The following COL6A3 variants were observed in gnomAD, a reference collection of about 807,000 sequenced individuals.
COL6A3 encodes collagen type VI alpha 3 chain.
COL6A3 carries 137 observed loss-of-function variants against 274.1 expected under a neutral mutation model. The ratio of observed to expected loss-of-function variants is 0.50; its 90% CI spans 0.44 to 0.58. The LOEUF (loss-of-function observed/expected upper bound fraction) is 0.58, where lower values mean the gene tolerates loss of function less well. Ranked by LOEUF, COL6A3 falls within the 20% of genes least tolerant of loss-of-function variation. COL6A3 has a pLI of 0.00. For missense variants in COL6A3, 3,950 were observed against 4,124.9 expected (o/e 0.96, Z 1.16); for synonymous variants, 1,650 against 1,650.6 (o/e 1.00, Z 0.01).
intron 25 of COL6A3, 61 bp downstream of exon 25, chr2:237,353,276 CCAAT>C: frequency 6.7e-7 from 1 of 1,498,908 alleles, no homozygotes; most frequent in Non-Finnish European, 9.3e-7. Flanking sequence ...TAAATGCCAC[CCAAT>C]CATTTTTTAA....
intron 1 of COL6A3, among the ~76,000 whole-genome samples, 164 bp from the exon 2 acceptor site, chr2:237,397,011 G>C (rs1294004621): frequency 3.3e-5 from 4 of 122,014 alleles, no homozygotes; most frequent in African/African-American, 1.3e-4. Context: ...TAGACAGTTA[G>C]ATAGATGATA....
intron 3 of COL6A3, among the ~76,000 whole-genome samples, chr2:237,392,589 G>C (rs1350870292): frequency 6.6e-6 from 1 of 152,152 alleles, no homozygotes; most frequent in African/African-American, 2.4e-5. Flanking sequence ...AGAAAAATCT[G>C]TTCATAAATC....
At chr2:237,385,804 T>C (rs1294198621) in intron 4 of COL6A3, among the ~76,000 whole-genome samples, 1 of 152,192 alleles carries the variant, frequency 6.6e-6, no homozygotes, top group African/African-American at 2.4e-5. Flanking sequence ...ACTGTTTCCA[T>C]TGCTTCTCAA....
chr2:237,359,462 G>T, intron 17 of COL6A3, 74 bp from the exon 18 acceptor site: 1 of 1,490,260 alleles, frequency 6.7e-7, no homozygotes, highest in Non-Finnish European at 9.4e-7. Flanking sequence ...GAGGCCAAGG[G>T]CTGTTCCCCC....
At position 237,374,978 on chromosome 2, in the gene COL6A3, T is replaced by C. The variant is rs766375491; in HGVS notation, c.3113A>G (p.Glu1038Gly). ...CAGAGGGAAGCCGCTCCTGACGCCC[T>C]CAGAGCCATCAAGCAGAAACACCAC... ...KDVVFLLDGS[E>G]GVRSGFPLLK... Residue 1038 changes from glutamate (E) to glycine (G), a missense_variant, in exon 8 of 44, where the codon GAG becomes GGG. Around this residue, in one of 5 missense-constraint regions of COL6A3, gnomAD observed 1,934 missense variants for 1,984.3 expected, o/e 0.97. Transcript: ENST00000295550. The surrounding 1 kb of genome is among the most constrained non-coding windows in gnomAD (Gnocchi z 4.8). 6.2e-7 allele frequency: 1 copy of C among 1,613,846 alleles called. No individual in the cohort carries two copies. Among genetic ancestry groups the C allele is most frequent in the South Asian group, 1.1e-5 (1 of 91,070 alleles).
chr2:237,350,717 A>G (rs1022864957), intron 27 of COL6A3, among the ~76,000 whole-genome samples: 18 of 152,216 alleles, frequency 1.2e-4, no homozygotes, highest in African/African-American at 4.3e-4. Flanking sequence ...AAATGTGATT[A>G]GCTGAGCCAC....
chr2:237,334,516 T>C lies in COL6A3; in HGVS notation c.9229+110A>G, dbSNP rs142705368. 7.6e-4 allele frequency: 963 copies of C among 1,268,906 alleles called. 6 individuals carry two copies. In the African/African-American group the frequency reaches 0.012, roughly 16 times the overall value. 78.6% of individuals were successfully genotyped at this position (1,268,906 alleles called of 1,614,324 possible). On this transcript the variant is annotated intron_variant, in intron 41 of 43. Transcript: ENST00000295550. Reference sequence around the variant, plus strand: ...TGTTGTTGTTGCTGTTGTTGTTTTTTGAATTTGTGGTTATTTCAGAATAGA... The same window carrying C: ...TGTTGTTGTTGCTGTTGTTGTTTTTCGAATTTGTGGTTATTTCAGAATAGA...
chr2:237,373,663 T>G (rs985403441), intron 8 of COL6A3, among the ~76,000 whole-genome samples: 2 of 152,176 alleles, frequency 1.3e-5, no homozygotes, highest in Non-Finnish European at 2.9e-5. Flanking sequence ...TGAGTGCATA[T>G]GAGGGAGCAA....
Position 237,363,303 on chromosome 2 carries a change from G to A in COL6A3, c.6013C>T (p.Pro2005Ser), listed in dbSNP as rs760336671. Residue 2005 changes from proline (P) to serine (S), a missense_variant, in exon 14 of 44, where the codon CCC becomes TCC. Pro to Ser is a moderately conservative substitution (Grantham distance 74). This residue lies in a region of COL6A3 where 632 missense variants were observed against 623.4 expected (regional missense o/e 1.01). Transcript: ENST00000295550. ...AAGTCCAGCAAGTTAAGCCTCAGGG[G>A]CCTGTCATACATAAACCCTCGCCCA... is the stretch of plus-strand genomic sequence containing the variant. ...EFGRGFMYDRPLRLNLLDLDY... is the reference protein window; with the variant it reads ...EFGRGFMYDRSLRLNLLDLDY... 1 of 1,614,072 alleles carries A rather than the reference G, an allele frequency of 6.2e-7. No homozygotes were observed.
At position 237,339,055 on chromosome 2, in the gene COL6A3, G is replaced by T. The variant is rs756595743; in HGVS notation, c.8527C>A (p.Gln2843Lys). Reference protein sequence around the residue: ...RKQCDWFQGDQPTKNLVKFGH... With the variant: ...RKQCDWFQGDKPTKNLVKFGH... ...AACTTCACAAGGTTCTTTGTGGGTTGGTCCCCTTGGAACCAATCACACTGT... is the reference window on the plus strand; with the variant it reads ...AACTTCACAAGGTTCTTTGTGGGTTTGTCCCCTTGGAACCAATCACACTGT... The change falls in exon 39 of 44, where the codon CAA (glutamine) becomes AAA (lysine). Residue 2843 changes from glutamine to lysine, a missense_variant. This residue lies in a region of COL6A3 where 1,284 missense variants were observed against 1,349.7 expected (regional missense o/e 0.95). Transcript: ENST00000295550. 3.7e-6 allele frequency: 6 copies of T among 1,613,950 alleles called. No individual in the cohort carries two copies. In the East Asian group the frequency reaches 1.3e-4, roughly 36 times the overall value.
Position 237,364,771 on chromosome 2 carries a change from CAT to C in COL6A3, c.5839-345_5839-344del, listed in dbSNP as rs1015172957. Among the ~76,000 whole-genome samples the C allele has an allele frequency of 6.8e-6, 1 of 146,936 alleles. No homozygotes were observed. Among genetic ancestry groups the C allele is most frequent in the Non-Finnish European group, 1.5e-5 (1 of 66,424 alleles). On this transcript the variant is annotated intron_variant, in intron 12 of 43. Coordinates refer to ENST00000295550, the MANE Select transcript of COL6A3 (RefSeq NM_004369.4). The surrounding 1 kb of genome is among the most constrained non-coding windows in gnomAD (Gnocchi z 4.6). ...GCATGTGTGTGCATGTGTGTGGGTACATATGTGTGTGTATGGGTGCATTGTGT... is the reference window on the plus strand; with the variant it reads ...GCATGTGTGTGCATGTGTGTGGGTACATGTGTGTGTATGGGTGCATTGTGT...
intron 4 of COL6A3, 133 bp from the exon 5 acceptor site, chr2:237,381,632 A>G (rs2078009265): frequency 2.6e-6 from 2 of 768,156 alleles, no homozygotes; most frequent in Non-Finnish European, 4.4e-6. Flanking sequence ...GGGCCACCCC[A>G]AAGGGAATTT....
chr2:237,367,012 G>T lies in COL6A3; in HGVS notation c.5175C>A (p.His1725Gln). The change falls in exon 11 of 44, where the codon CAC becomes CAA. Residue 1725 changes from histidine to glutamine, a missense_variant. Coordinates refer to ENST00000295550, the MANE Select transcript of COL6A3 (RefSeq NM_004369.4). ...CAGGCACAAAGTGGTTTACCCGCAG[G>T]TGCTCAAGGCCCACCTTAGTGTTGG... ...RHANTKVGLEHLRVNHFVPEA... is the reference protein window; with the variant it reads ...RHANTKVGLEQLRVNHFVPEA... The T allele has an allele frequency of 1.2e-6, 2 of 1,614,228 alleles. No homozygotes were observed. The highest frequency in any genetic ancestry group is 1.7e-6 in the Non-Finnish European group (2 of 1,180,052).
rs1158278552 is a variant in COL6A3, at chr2:237,413,222, G to A, written c.-31+731C>T. On this transcript the variant is annotated intron_variant, in intron 1 of 43. Transcript: ENST00000295550. The surrounding 1 kb of genome is among the most constrained non-coding windows in gnomAD (Gnocchi z 4.0). Reference sequence around the variant, plus strand: ...CATGGGCTGGCCCTGCAGCCCCAGGGGCCCTGCCTTAGACACTCAGCATGC... The same window carrying A: ...CATGGGCTGGCCCTGCAGCCCCAGGAGCCCTGCCTTAGACACTCAGCATGC... 6.6e-6 allele frequency among the ~76,000 whole-genome samples: 1 copy of A among 152,170 alleles called. No individual in the cohort carries two copies. Among genetic ancestry groups the A allele is most frequent in the African/African-American group, 2.4e-5 (1 of 41,432 alleles).
chr2:237,403,385 T>A (rs866407357), intron 1 of COL6A3, among the ~76,000 whole-genome samples: 2 of 152,152 alleles, frequency 1.3e-5, no homozygotes, highest in African/African-American at 2.4e-5. Flanking sequence ...AAGTACCACC[T>A]GTGATGAAAC....
rs1442088687 is a variant in COL6A3, at chr2:237,340,793, T to G, written c.8123A>C (p.Gln2708Pro). Residue 2708 changes from glutamine to proline, a missense_variant, in exon 38 of 44, where the codon CAG (glutamine) becomes CCG (proline). Physicochemically the swap from Gln to Pro is moderately conservative, Grantham distance 76. Around this residue, in one of 5 missense-constraint regions of COL6A3, gnomAD observed 1,284 missense variants for 1,349.7 expected, o/e 0.95. Transcript: ENST00000295550. ...GCCTAAGGCCCTGGTTCCCTGCAACTGTGTCATTCCCCTGCTGAGGAAGTC... is the reference window on the plus strand; with the variant it reads ...GCCTAAGGCCCTGGTTCCCTGCAACGGTGTCATTCCCCTGCTGAGGAAGTC... ...LVDFLSRGMT[Q>P]LQGTRALGSA... The G allele has an allele frequency of 1.2e-6, 2 of 1,614,198 alleles. No individual in the cohort carries two copies. The highest frequency in any genetic ancestry group is 4.5e-5 in the East Asian group (2 of 44,880).
intron 1 of COL6A3, among the ~76,000 whole-genome samples, chr2:237,404,721 C>A (rs1243802934): frequency 1.3e-5 from 2 of 152,166 alleles, no homozygotes; most frequent in Non-Finnish European, 2.9e-5. Context: ...GCCTTTGAAT[C>A]CACTGATTCT....
At chr2:237,399,992 T>C (rs1050706453) in intron 1 of COL6A3, among the ~76,000 whole-genome samples, 1 of 152,242 alleles carries the variant, frequency 6.6e-6, no homozygotes, top group East Asian at 1.9e-4. Flanking sequence ...TTCATGACAC[T>C]AGTTAATATT....
In COL6A3 at chr2:237,366,625, C is replaced by G. The variant is rs376730456; in HGVS notation, c.5500+62G>C. The stretch of plus-strand genomic sequence containing the variant: ...CCAGAGGTCAGCACCAGGGACCAGA[C>G]AGCTAAAGAGGCACAAATGTCAACA... On this transcript the variant is annotated intron_variant, in intron 11 of 43. Transcript: ENST00000295550. 18 of 1,613,578 alleles carry G rather than the reference C, an allele frequency of 1.1e-5. No individual in the cohort carries two copies. The East Asian group carries it at 3.6e-4, about 32-fold the overall frequency.
Sources: gnomAD v4.1 joint callset for allele counts (sites outside exome capture counted in the v4.1 genomes callset) on GRCh38, gnomAD v4.1.1 for gene constraint, gnomAD v4.1.1 regional missense constraint, Gnocchi (gnomAD v3.1) non-coding constraint, MANE v1.5 for transcripts, NCBI Gene and HGNC (gene_info 2026-07-23, HGNC 2026-07-21) for gene names.